Variants in RHOU observed in about 807,000 individuals in gnomAD.
RHOU encodes the protein rho-related GTP-binding protein RhoU.
A neutral mutation model predicts 12.6 loss-of-function variants in RHOU; 8 were observed. That is an observed-to-expected ratio of 0.64 (90% CI 0.37 to 1.15). The LOEUF (loss-of-function observed/expected upper bound fraction) is 1.15. Among genes scored for constraint, RHOU ranks in the 50% most tolerant of loss-of-function variants. RHOU has a pLI of 0.01. For synonymous variants in RHOU, 161 were observed against 147.4 expected, an observed-to-expected ratio of 1.09 and a Z score of -0.67; for missense variants, 258 against 347.0, an observed-to-expected ratio of 0.74 and a Z score of 2.04.
chr1:228,673,422 T>A, the RHOU span, among the ~76,000 whole-genome samples: 1 of 152,210 alleles, frequency 6.6e-6, no homozygotes, highest in South Asian at 2.1e-4. Flanking sequence ...CCATCCACTA[T>A]GAGGGACATT....
the RHOU span, among the ~76,000 whole-genome samples, chr1:228,681,131 A>G: frequency 6.6e-6 from 1 of 152,220 alleles, no homozygotes; most frequent in Non-Finnish European, 1.5e-5. Flanking sequence ...CTGATGAGAA[A>G]GAGCCTAAAC....
chr1:228,716,256 G>A, the RHOU span, among the ~76,000 whole-genome samples: 2 of 152,036 alleles, frequency 1.3e-5, no homozygotes, highest in African/African-American at 4.8e-5. Context: ...TTTCTCTCTG[G>A]AATGCTTCCC....
chr1:228,705,956 A>T, the RHOU span, among the ~76,000 whole-genome samples: 1 of 152,148 alleles, frequency 6.6e-6, no homozygotes. Flanking sequence ...GAGGCAGGAG[A>T]ATTGCTTGAA....
At chr1:228,681,618 C>G in the RHOU span, among the ~76,000 whole-genome samples, 1 of 151,960 alleles carries the variant, frequency 6.6e-6, no homozygotes, top group South Asian at 2.1e-4. Context: ...ATCTAGGTCT[C>G]GTGGGATGGA....
At chr1:228,682,506 C>T in the RHOU span, among the ~76,000 whole-genome samples, 2 of 152,054 alleles carry the variant, frequency 1.3e-5, no homozygotes, top group South Asian at 2.1e-4. Context: ...TTGGGATAGG[C>T]GGTGGAGTTA....
At chr1:228,653,312 G>C in the RHOU span, among the ~76,000 whole-genome samples, 4 of 152,004 alleles carry the variant, frequency 2.6e-5, no homozygotes, top group African/African-American at 9.7e-5. Context: ...GTGCCATCAT[G>C]TCGGACTAAT....
chr1:228,687,991 C>T, the RHOU span, among the ~76,000 whole-genome samples: 1 of 148,436 alleles, frequency 6.7e-6, no homozygotes, highest in Non-Finnish European at 1.5e-5. Flanking sequence ...CCCTCCCTTC[C>T]TTCCTTTCTT....
chr1:228,686,412 A>G, the RHOU span, among the ~76,000 whole-genome samples: 4 of 152,214 alleles, frequency 2.6e-5, no homozygotes, highest in Admixed American at 6.5e-5. Flanking sequence ...GTATGCTTAA[A>G]ATTTCTAAAA....
chr1:228,656,961 G>C, the RHOU span, among the ~76,000 whole-genome samples: 5 of 152,006 alleles, frequency 3.3e-5, no homozygotes, highest in Non-Finnish European at 7.4e-5. Context: ...TAAAAACCAC[G>C]AATAGGATGA....
chr1:228,735,145 T>C (rs1242650287), upstream of RHOU: 1 of 152,024 alleles, frequency 6.6e-6, no homozygotes, highest in South Asian at 2.1e-4. The surrounding 1 kb of genome is among the most constrained non-coding windows in gnomAD (Gnocchi z 8.1). Flanking sequence ...AAGCGGAACC[T>C]CCCGGGCCAG....
At chr1:228,665,271 CTAT>C in the RHOU span, among the ~76,000 whole-genome samples, 1 of 152,316 alleles carries the variant, frequency 6.6e-6, no homozygotes, top group East Asian at 1.9e-4. Flanking sequence ...GATTTAGGTA[CTAT>C]TATTACCATT....
the RHOU span, among the ~76,000 whole-genome samples, chr1:228,683,094 G>GTGGC: frequency 0.011 from 1,613 of 152,188 alleles, 28 homozygotes; most frequent in African/African-American, 0.037. Flanking sequence ...TGAATGCCCA[G>GTGGC]AAGAAATTGC....
the RHOU span, among the ~76,000 whole-genome samples, chr1:228,668,063 T>C: frequency 1.1e-4 from 16 of 152,298 alleles, no homozygotes; most frequent in East Asian, 3.1e-3. Context: ...TACTCACCAA[T>C]GGCCGATGAT....
In RHOU at chr1:228,743,249, G is replaced by GA; in HGVS notation, c.322-32dup. Reference sequence around the variant, plus strand: ...GATCTTTTTACTGATGAGAATTCATGAAAACATAACTTTTGGGTACTTTGC... The same window carrying GA: ...GATCTTTTTACTGATGAGAATTCATGAAAAACATAACTTTTGGGTACTTTGC... On this transcript the variant is annotated intron_variant, in intron 2 of 2. Coordinates refer to ENST00000366691, the MANE Select transcript of RHOU (RefSeq NM_021205.6). The surrounding 1 kb of genome is among the most constrained non-coding windows in gnomAD (Gnocchi z 5.1). The GA allele has an allele frequency of 6.3e-7, 1 of 1,575,524 alleles. No individual in the cohort carries two copies. Among genetic ancestry groups the GA allele is most frequent in the Non-Finnish European group, 8.7e-7 (1 of 1,146,742 alleles).
At chr1:228,710,806 G>A in the RHOU span, among the ~76,000 whole-genome samples, 1 of 152,026 alleles carries the variant, frequency 6.6e-6, no homozygotes, top group African/African-American at 2.4e-5. Flanking sequence ...GGAAGTTCTG[G>A]CCAGGGCAAT....
chr1:228,735,735 G>A lies in RHOU; in HGVS notation c.-8G>A, dbSNP rs925691432. 3.0e-5 allele frequency: 36 copies of A among 1,203,960 alleles called. No homozygotes were observed. Among genetic ancestry groups the A allele is most frequent in the Non-Finnish European group, 3.6e-5 (35 of 970,390 alleles). The allele number at this position is 1,203,960 out of a possible 1,614,324, so 74.6% of individuals were successfully genotyped here. ...AGCCCGCGACCGCAAGCCCGCGCTC[G>A]CGGATCGATGCCCCCGCAGCAGGGG... On this transcript the variant is annotated 5_prime_UTR_variant, in exon 1 of 3. Transcript: ENST00000366691. This position sits in a 1 kb window ranked among gnomAD's most constrained non-coding sequence, Gnocchi z 8.1.
At chr1:228,707,132 A>ATATATG in the RHOU span, among the ~76,000 whole-genome samples, 2,117 of 120,324 alleles carry the variant, frequency 0.018, 55 homozygotes, top group Middle Eastern at 0.028. Context: ...ATATACATAT[A>ATATATG]TATATATATA....
the RHOU span, among the ~76,000 whole-genome samples, chr1:228,704,435 T>A: frequency 6.6e-6 from 1 of 152,074 alleles, no homozygotes; most frequent in Non-Finnish European, 1.5e-5. Context: ...TTCTTACCAA[T>A]TAGTCAATTT....
the RHOU span, among the ~76,000 whole-genome samples, chr1:228,648,732 T>G: frequency 1.3e-5 from 2 of 152,320 alleles, no homozygotes; most frequent in South Asian, 2.1e-4. Context: ...AAATTTTTAT[T>G]TTTGAGACAG....
Sources: gnomAD v4.1 joint callset for allele counts (sites outside exome capture counted in the v4.1 genomes callset) on GRCh38, gnomAD v4.1.1 for gene constraint, Gnocchi (gnomAD v3.1) non-coding constraint, MANE v1.5 for transcripts, NCBI Gene and HGNC (gene_info 2026-07-23, HGNC 2026-07-21) for gene names.